The following RAMP3 variants were observed in gnomAD, a reference collection of about 807,000 sequenced individuals.
The protein encoded by RAMP3 is receptor activity-modifying protein 3.
Under a neutral mutation model 13.5 loss-of-function variants are expected in RAMP3, and 14 were observed. The observed-to-expected ratio is 1.04, with a 90% confidence interval of 0.69 to 1.63. RAMP3 has a LOEUF of 1.63. Ranked by LOEUF, RAMP3 falls within the 40% of genes most tolerant of loss-of-function variation. The pLI, the probability that RAMP3 is intolerant of heterozygous loss-of-function variation, is 0.00. For missense variants in RAMP3, 200 were observed against 204.8 expected (o/e 0.98, Z 0.14); for synonymous variants, 106 against 88.3 (o/e 1.20, Z -1.12).
At chr7:45,166,063 C>T (rs747966041) in intron 1 of RAMP3, among the ~76,000 whole-genome samples, 37 of 152,102 alleles carry the variant, frequency 2.4e-4, no homozygotes, top group Non-Finnish European at 5.0e-4. Context: ...GGTAACTCTA[C>T]GTTTAACATT....
Position 45,171,160 on chromosome 7 carries a change from C to CT in RAMP3, c.59-6137dup, listed in dbSNP as rs1277484814. The stretch of plus-strand genomic sequence containing the variant: ...CTTTCCATCTTTGATTTCCTTCTTT[C>CT]TTTTTTTTTTTTCGAGACAGAGTTT... On this transcript the variant is annotated intron_variant, in intron 1 of 2. Transcript: ENST00000242249. 2.1e-3 allele frequency among the ~76,000 whole-genome samples: 305 copies of CT among 143,120 alleles called. 3 individuals carry two copies. Among genetic ancestry groups the CT allele is most frequent in the Admixed American group, 5.9e-3 (84 of 14,316 alleles). 93.9% of individuals were successfully genotyped at this position (143,120 alleles called of 152,430 possible). A position where few individuals can be genotyped will look rare whatever the true frequency, so the allele number is the denominator to read the frequency against.
At chr7:45,157,976 G>A (rs1045647858) in intron 1 of RAMP3, 90 bp downstream of exon 1, 11 of 1,214,286 alleles carry the variant, frequency 9.1e-6, no homozygotes, top group Non-Finnish European at 1.2e-5. Flanking sequence ...CACCTGCGCC[G>A]CGGTCCTTCC....
chr7:45,160,433 G>A (rs1055786316), intron 1 of RAMP3, among the ~76,000 whole-genome samples: 4 of 146,458 alleles, frequency 2.7e-5, no homozygotes, highest in African/African-American at 1.0e-4. Context: ...GAGGTTCCTT[G>A]GAGGTTATCT....
Position 45,183,965 on chromosome 7 carries a change from G to A in RAMP3, c.*553G>A. The A allele has an allele frequency of 2.4e-6, 1 of 415,370 alleles. No individual in the cohort carries two copies. Among genetic ancestry groups the A allele is most frequent in the Non-Finnish European group, 4.3e-6 (1 of 234,776 alleles). 25.7% of individuals were successfully genotyped at this position (415,370 alleles called of 1,614,324 possible). ...GGTGGGAAGACAGCTGGAAAGGCTG[G>A]GAGGAGAAGGGAGGGGCTGGGGGTT... On this transcript the variant is annotated 3_prime_UTR_variant, in exon 3 of 3. Transcript: ENST00000242249.
intron 2 of RAMP3, among the ~76,000 whole-genome samples, chr7:45,179,740 T>C (rs1261710170): frequency 6.7e-6 from 1 of 149,556 alleles, no homozygotes; most frequent in Non-Finnish European, 1.5e-5. Context: ...TAAAGGGCCC[T>C]TGCCAGGGGC....
At chr7:45,169,351 ATTC>A (rs1786037010) in intron 1 of RAMP3, among the ~76,000 whole-genome samples, 1 of 152,164 alleles carries the variant, frequency 6.6e-6, no homozygotes, top group African/African-American at 2.4e-5. Flanking sequence ...ATTTCTGTTA[ATTC>A]TTCTTTCAGT....
chr7:45,175,295 C>T (rs1045461879), intron 1 of RAMP3, among the ~76,000 whole-genome samples: 2 of 152,160 alleles, frequency 1.3e-5, no homozygotes, highest in South Asian at 4.1e-4. Flanking sequence ...GTGACTTCAC[C>T]CAGCCTGTGT....
chr7:45,171,874 C>T (rs1394695319), intron 1 of RAMP3, among the ~76,000 whole-genome samples: 4 of 152,254 alleles, frequency 2.6e-5, no homozygotes, highest in Non-Finnish European at 4.4e-5. Flanking sequence ...CTTCTTACAG[C>T]CTGCCTCTTC....
At chr7:45,175,487 C>A (rs1471268352) in intron 1 of RAMP3, among the ~76,000 whole-genome samples, 1 of 152,178 alleles carries the variant, frequency 6.6e-6, no homozygotes, top group Non-Finnish European at 1.5e-5. Flanking sequence ...ACCTGCAAGT[C>A]CTCTGTCCAA....
chr7:45,163,435 C>T (rs1785900503), intron 1 of RAMP3: 2 of 985,182 alleles, frequency 2.0e-6, no homozygotes, highest in African/African-American at 3.5e-5. Context: ...TTGGGATACA[C>T]AGAAGTGGGA....
intron 1 of RAMP3, among the ~76,000 whole-genome samples, chr7:45,174,668 G>C (rs1415323755): frequency 6.6e-6 from 1 of 152,136 alleles, no homozygotes; most frequent in Admixed American, 6.5e-5. Flanking sequence ...GTGGCTGCCT[G>C]TATGCGCAGC....
At chr7:45,170,364 A>T (rs1786056436) in intron 1 of RAMP3, among the ~76,000 whole-genome samples, 1 of 151,926 alleles carries the variant, frequency 6.6e-6, no homozygotes, top group Admixed American at 6.6e-5. Flanking sequence ...TTTGAGACGG[A>T]GTCTTGCTCT....
intron 1 of RAMP3, among the ~76,000 whole-genome samples, chr7:45,161,900 G>A (rs1451849143): frequency 6.6e-6 from 1 of 152,124 alleles, no homozygotes; most frequent in Non-Finnish European, 1.5e-5. Flanking sequence ...TGGGATGGTG[G>A]GCGGAGCTCA....
At chr7:45,159,097 C>T (rs529325439) in intron 1 of RAMP3, among the ~76,000 whole-genome samples, 5 of 152,322 alleles carry the variant, frequency 3.3e-5, no homozygotes, top group African/African-American at 4.8e-5. Context: ...CACAGGCTTC[C>T]GCCTGCACAG....
At chr7:45,158,662 A>G (rs1429151850) in intron 1 of RAMP3, among the ~76,000 whole-genome samples, 1 of 136,880 alleles carries the variant, frequency 7.3e-6, no homozygotes, top group Non-Finnish European at 1.6e-5. Context: ...GAGCCTGGCC[A>G]GTTCTGGGGG....
intron 1 of RAMP3, among the ~76,000 whole-genome samples, chr7:45,160,453 G>T (rs1206044084): frequency 6.9e-6 from 1 of 145,748 alleles, no homozygotes; most frequent in East Asian, 2.2e-4. Flanking sequence ...TGACCTCCAT[G>T]CTCTTACCTA....
At chr7:45,169,887 G>T (rs1786045786) in intron 1 of RAMP3, among the ~76,000 whole-genome samples, 1 of 152,178 alleles carries the variant, frequency 6.6e-6, no homozygotes, top group African/African-American at 2.4e-5. Context: ...TAGGGGTTAG[G>T]ACTTCAATAT....
intron 1 of RAMP3, among the ~76,000 whole-genome samples, chr7:45,174,806 C>T (rs1274790215): frequency 1.3e-5 from 2 of 152,210 alleles, no homozygotes; most frequent in African/African-American, 2.4e-5. Flanking sequence ...TTCCTCTTGC[C>T]CCCTGGAACC....
chr7:45,170,957 C>A (rs758460237), intron 1 of RAMP3, among the ~76,000 whole-genome samples: 2 of 151,604 alleles, frequency 1.3e-5, no homozygotes, highest in Non-Finnish European at 2.9e-5. Context: ...GTTTTTACAA[C>A]TAAAAATTTT....
Sources: allele counts gnomAD v4.1 joint callset (sites outside exome capture counted in the v4.1 genomes callset), GRCh38; gene constraint gnomAD v4.1.1; transcripts MANE v1.5; gene names NCBI Gene and HGNC (gene_info 2026-07-23, HGNC 2026-07-21).